The following SMG6 variants were observed in gnomAD, a reference collection of about 807,000 sequenced individuals.
The protein encoded by SMG6 is telomerase-binding protein EST1A.
SMG6 carries 66 observed loss-of-function variants against 142.2 expected under a neutral mutation model. That is an observed-to-expected ratio of 0.46 (90% CI 0.38 to 0.57). SMG6 has a LOEUF of 0.57. SMG6 is among the 20% of genes least tolerant of loss of function. The pLI, the probability that SMG6 is intolerant of heterozygous loss-of-function variation, is 0.00. For missense variants in SMG6, 1,793 were observed against 1,832.0 expected, an observed-to-expected ratio of 0.98 and a Z score of 0.39; for synonymous variants, 779 against 702.4, an observed-to-expected ratio of 1.11 and a Z score of -1.72.
At chr17:2,220,539 A>T (rs2073143104) in intron 10 of SMG6, among the ~76,000 whole-genome samples, 1 of 152,168 alleles carries the variant, frequency 6.6e-6, no homozygotes, top group Non-Finnish European at 1.5e-5. Context: ...CTGAGACAGG[A>T]GGATCACTTG....
intron 13 of SMG6, among the ~76,000 whole-genome samples, chr17:2,132,320 T>C (rs917412681): frequency 3.3e-5 from 5 of 152,204 alleles, no homozygotes; most frequent in African/African-American, 1.2e-4. Context: ...AAGTGTTCAA[T>C]AAATATCTAA....
chr17:2,110,306 G>A (rs755860588), intron 13 of SMG6, among the ~76,000 whole-genome samples: 3 of 151,980 alleles, frequency 2.0e-5, no homozygotes, highest in African/African-American at 7.3e-5. Flanking sequence ...TACAAAGGCC[G>A]AATTTTAAAA....
At chr17:2,194,644 G>A (rs960777793) in intron 10 of SMG6, among the ~76,000 whole-genome samples, 6 of 149,662 alleles carry the variant, frequency 4.0e-5, no homozygotes, top group Admixed American at 1.3e-4. Context: ...GAGCCCAGTA[G>A]TTCAAGACCA....
chr17:2,166,784 ACT>A (rs2071350865), intron 13 of SMG6, among the ~76,000 whole-genome samples: 1 of 152,100 alleles, frequency 6.6e-6, no homozygotes, highest in Admixed American at 6.6e-5. Context: ...CAAATTATAG[ACT>A]CTGTGAAGTA....
intron 9 of SMG6, among the ~76,000 whole-genome samples, chr17:2,241,435 A>T (rs899089520): frequency 2.0e-5 from 3 of 152,218 alleles, no homozygotes; most frequent in Admixed American, 2.0e-4. Flanking sequence ...ACCCTTTTAT[A>T]TTTAAACATG....
intron 8 of SMG6, among the ~76,000 whole-genome samples, chr17:2,263,025 T>C (rs1340243483): frequency 1.3e-5 from 2 of 151,862 alleles, no homozygotes; most frequent in African/African-American, 2.4e-5. Flanking sequence ...TAAGATAAAA[T>C]AGATAAAAAC....
chr17:2,246,226 A>G (rs571240139), intron 8 of SMG6, among the ~76,000 whole-genome samples: 3 of 152,318 alleles, frequency 2.0e-5, no homozygotes, highest in African/African-American at 7.2e-5. Flanking sequence ...ACAATCTAAA[A>G]ACTAAACCTC....
intron 13 of SMG6, among the ~76,000 whole-genome samples, chr17:2,135,584 TGAC>T (rs1464562705): frequency 6.6e-6 from 1 of 152,216 alleles, no homozygotes; most frequent in Non-Finnish European, 1.5e-5. Flanking sequence ...ATATTATGCT[TGAC>T]AATACAGTAC....
intron 13 of SMG6, among the ~76,000 whole-genome samples, chr17:2,111,347 G>C (rs2069310963): frequency 6.6e-6 from 1 of 152,294 alleles, no homozygotes; most frequent in East Asian, 1.9e-4. Context: ...AAGACCCTAA[G>C]AAAGGTAATA....
At chr17:2,238,658 G>GAAC (rs2073728779) in intron 9 of SMG6, among the ~76,000 whole-genome samples, 1 of 152,162 alleles carries the variant, frequency 6.6e-6, no homozygotes, top group Non-Finnish European at 1.5e-5. Flanking sequence ...CAGAACGACA[G>GAAC]GACAGAAGTG....
At chr17:2,096,927 A>C (rs958202735) in intron 13 of SMG6, among the ~76,000 whole-genome samples, 1 of 152,156 alleles carries the variant, frequency 6.6e-6, no homozygotes, top group East Asian at 1.9e-4. Context: ...TGACTCCATT[A>C]GCAGCCCTCA....
At chr17:2,236,701 TCACACA>T (rs71150853) in intron 9 of SMG6, 64 bp from the exon 10 acceptor site, 106,099 of 951,662 alleles carry the variant, frequency 0.11, 4,767 homozygotes, top group African/African-American at 0.21. Context: ...TCACTCTGTC[TCACACA>T]CACACACACA....
intron 13 of SMG6, among the ~76,000 whole-genome samples, chr17:2,089,232 C>T (rs546088633): frequency 6.6e-6 from 1 of 152,290 alleles, no homozygotes; most frequent in Non-Finnish European, 1.5e-5. Context: ...TATCGCAGCT[C>T]TGGGGGCAAA....
intron 9 of SMG6, among the ~76,000 whole-genome samples, chr17:2,241,656 G>A (rs954732267): frequency 6.6e-6 from 1 of 152,116 alleles, no homozygotes; most frequent in Non-Finnish European, 1.5e-5. Context: ...CTCTCAAAAT[G>A]CTAGGATTAT....
At chr17:2,222,185 G>C (rs1391612316) in intron 10 of SMG6, among the ~76,000 whole-genome samples, 1 of 152,134 alleles carries the variant, frequency 6.6e-6, no homozygotes, top group Non-Finnish European at 1.5e-5. Context: ...TTGCAGAATA[G>C]TAGAGGAAAA....
chr17:2,253,280 T>C (rs2074090457), intron 8 of SMG6, among the ~76,000 whole-genome samples: 1 of 152,056 alleles, frequency 6.6e-6, no homozygotes, highest in African/African-American at 2.4e-5. Context: ...CAGCTGGGAC[T>C]ACAGGCGCCT....
At chr17:2,256,726 G>C (rs1278595589) in intron 8 of SMG6, among the ~76,000 whole-genome samples, 4 of 152,172 alleles carry the variant, frequency 2.6e-5, no homozygotes, top group Non-Finnish European at 5.9e-5. Flanking sequence ...AGTGAGCCGT[G>C]ATGGTGCCAC....
rs903007543 is a variant in SMG6, at chr17:2,130,266, C to CAAAAAAAAAAAAAAA, written c.3357+42377_3357+42391dup. On this transcript the variant is annotated intron_variant, in intron 13 of 18. Coordinates refer to ENST00000263073, the MANE Select transcript of SMG6 (RefSeq NM_017575.5). ...TGGGCGACAGAGCGAGACTCCGTCT[C>CAAAAAAAAAAAAAAA]AAAAAAAAAAAAAAAAAAGAAACAG... Among the ~76,000 whole-genome samples, 60 of 39,468 alleles carry CAAAAAAAAAAAAAAA rather than the reference C, an allele frequency of 1.5e-3. 6 individuals carry two copies. The highest frequency in any genetic ancestry group is 7.7e-3 in the South Asian group (7 of 910). 25.9% of individuals were successfully genotyped at this position (39,468 alleles called of 152,430 possible). A position where few individuals can be genotyped will look rare whatever the true frequency, so the allele number is the denominator to read the frequency against.
At chr17:2,091,840 T>TTG (rs140099975) in intron 13 of SMG6, among the ~76,000 whole-genome samples, 81 of 30,536 alleles carry the variant, frequency 2.7e-3, no homozygotes, top group African/African-American at 6.6e-3. Flanking sequence ...CCAGCTAATT[T>TTG]TGTGTGTGTG....
Sources: gnomAD v4.1 joint callset for allele counts (sites outside exome capture counted in the v4.1 genomes callset) on GRCh38, gnomAD v4.1.1 for gene constraint, MANE v1.5 for transcripts, NCBI Gene and HGNC (gene_info 2026-07-23, HGNC 2026-07-21) for gene names.